TMEM91: variants seen among roughly 807,000 people sequenced by gnomAD.
The protein encoded by TMEM91 is dispanin subfamily C member 3.
TMEM91 carries 6 observed loss-of-function variants against 13.3 expected under a neutral mutation model. That is an observed-to-expected ratio of 0.45 (90% CI 0.25 to 0.89). The LOEUF (loss-of-function observed/expected upper bound fraction) is 0.89. TMEM91 is among the 40% of genes least tolerant of loss of function. The pLI is 0.19. For missense variants in TMEM91, 193 were observed against 228.7 expected, an observed-to-expected ratio of 0.84 and a Z score of 1.01; for synonymous variants, 87 against 101.7, an observed-to-expected ratio of 0.86 and a Z score of 0.87.
upstream of TMEM91, among the ~76,000 whole-genome samples, chr19:41,371,890 T>A (rs1207416958): frequency 5.3e-5 from 8 of 152,078 alleles, no homozygotes; most frequent in Non-Finnish European, 1.2e-4. Flanking sequence ...CCCCCCTTTT[T>A]TTGACTTGGA....
In TMEM91 at chr19:41,366,603, C is replaced by T. The variant is rs370798891; in HGVS notation, c.-30+2508C>T. On this transcript the variant is annotated intron_variant, in intron 1 of 3. Coordinates refer to the TMEM91 transcript ENST00000413014. ...TCATGCATGACAAGGCTCTCCACAACCTGGCTGGCACCTCCTGCCTCATTT... is the reference window on the plus strand; with the variant it reads ...TCATGCATGACAAGGCTCTCCACAATCTGGCTGGCACCTCCTGCCTCATTT... Among the ~76,000 whole-genome samples the T allele has an allele frequency of 7.9e-5, 12 of 152,096 alleles. No individual in the cohort carries two copies. The East Asian group carries it at 1.4e-3, about 17-fold the overall frequency.
At chr19:41,369,889 T>C (rs2038587197) in intron 1 of TMEM91, among the ~76,000 whole-genome samples, 1 of 152,188 alleles carries the variant, frequency 6.6e-6, no homozygotes. Context: ...TTTAAAACTG[T>C]ATTGTTCAAT....
At chr19:41,375,123 A>G (rs1050194562), upstream of TMEM91, among the ~76,000 whole-genome samples, 2 of 150,506 alleles carry the variant, frequency 1.3e-5, no homozygotes, top group Admixed American at 6.6e-5. Flanking sequence ...TTCCCTAGAA[A>G]CTCCTAACCC....
At chr19:41,378,829 A>T (rs1030599058) in intron 2 of TMEM91, among the ~76,000 whole-genome samples, 131 of 137,816 alleles carry the variant, frequency 9.5e-4, no homozygotes, top group South Asian at 1.7e-3. Context: ...TGTGTGAGAG[A>T]GAGAGAGAGA....
intron 2 of TMEM91, 34 bp from the exon 3 acceptor site, chr19:41,382,738 G>A: frequency 6.2e-7 from 1 of 1,601,456 alleles, no homozygotes; most frequent in African/African-American, 1.3e-5. Flanking sequence ...AAAGGTGGAT[G>A]GAGATGCCCA....
At chr19:41,367,155 A>G (rs924073310) in intron 1 of TMEM91, among the ~76,000 whole-genome samples, 6 of 152,166 alleles carry the variant, frequency 3.9e-5, no homozygotes, top group African/African-American at 1.4e-4. Context: ...AAAAGAAAAA[A>G]AAGAAAAGAA....
chr19:41,378,565 G>T, intron 2 of TMEM91, 46 bp downstream of exon 2: 1 of 1,597,366 alleles, frequency 6.3e-7, no homozygotes, highest in African/African-American at 1.3e-5. Flanking sequence ...GGGGGCTGGG[G>T]TGAGCCCCAC....
chr19:41,367,488 G>A (rs2038546850), intron 1 of TMEM91, among the ~76,000 whole-genome samples: 1 of 152,064 alleles, frequency 6.6e-6, no homozygotes, highest in Non-Finnish European at 1.5e-5. Context: ...AAAATTAGCT[G>A]GGCATGGCGG....
chr19:41,383,410 G>T (rs1408325710), intron 3 of TMEM91: 26 of 972,656 alleles, frequency 2.7e-5, no homozygotes, highest in Non-Finnish European at 3.4e-5. Flanking sequence ...TTCCTCATCT[G>T]TAAAGTGGGA....
intron 2 of TMEM91, among the ~76,000 whole-genome samples, chr19:41,381,076 CAAAAAAA>C (rs1166323642): frequency 0.038 from 1,991 of 52,916 alleles, 55 homozygotes; most frequent in African/African-American, 0.13. Flanking sequence ...GACTCTGTCT[CAAAAAAA>C]AAAAAAAAAA....
At chr19:41,367,182 C>T (rs1200333267) in intron 1 of TMEM91, among the ~76,000 whole-genome samples, 2 of 152,144 alleles carry the variant, frequency 1.3e-5, no homozygotes, top group Non-Finnish European at 1.5e-5. Flanking sequence ...ATATGATTAA[C>T]TATAGAGTTT....
At chr19:41,383,107 G>A in intron 3 of TMEM91, 186 bp downstream of exon 3, 1 of 773,942 alleles carries the variant, frequency 1.3e-6, no homozygotes. Flanking sequence ...AGGCTGGAGT[G>A]CAGTGGTACA....
chr19:41,380,628 A>G (rs2038856476), intron 2 of TMEM91, among the ~76,000 whole-genome samples: 1 of 150,210 alleles, frequency 6.7e-6, no homozygotes, highest in African/African-American at 2.5e-5. Context: ...TACAAAAATT[A>G]GGCCAGGCGC....
At chr19:41,377,139 GGA>G (rs928893712) in intron 1 of TMEM91, 3 of 154,672 alleles carry the variant, frequency 1.9e-5, no homozygotes, top group African/African-American at 7.2e-5. Flanking sequence ...GGAGTTGTGT[GGA>G]GTCATAGGTG....
upstream of TMEM91, among the ~76,000 whole-genome samples, chr19:41,374,981 C>T (rs1568490680): frequency 6.6e-6 from 1 of 152,218 alleles, no homozygotes; most frequent in East Asian, 1.9e-4. Context: ...GAAACTCCAT[C>T]TCAAACAAAC....
intron 3 of TMEM91, chr19:41,383,315 A>G: frequency 2.5e-6 from 1 of 399,946 alleles, no homozygotes; most frequent in Non-Finnish European, 4.2e-6. Flanking sequence ...TGGCCTCCCA[A>G]AGTGCTGGGA....
intron 1 of TMEM91, among the ~76,000 whole-genome samples, chr19:41,366,513 A>T (rs1340756993): frequency 6.6e-6 from 1 of 152,130 alleles, no homozygotes; most frequent in Non-Finnish European, 1.5e-5. Flanking sequence ...CACCTAAGTC[A>T]GGTCCCATCT....
At chr19:41,370,238 T>A (rs2038592734) in intron 1 of TMEM91, among the ~76,000 whole-genome samples, 1 of 151,896 alleles carries the variant, frequency 6.6e-6, no homozygotes, top group Non-Finnish European at 1.5e-5. Context: ...CCACCATGCC[T>A]GGCTAATTTT....
At chr19:41,375,887 T>C (rs886421651), upstream of TMEM91, among the ~76,000 whole-genome samples, 18 of 151,640 alleles carry the variant, frequency 1.2e-4, no homozygotes, top group African/African-American at 4.1e-4. Context: ...TTTGGGAGGC[T>C]GAGGCGGGCA....
Sources: allele counts gnomAD v4.1 joint callset (sites outside exome capture counted in the v4.1 genomes callset), GRCh38; gene constraint gnomAD v4.1.1; transcripts MANE v1.5; gene names NCBI Gene and HGNC (gene_info 2026-07-23, HGNC 2026-07-21).